Variants in SH3GL3 observed in about 807,000 individuals in gnomAD.
SH3GL3 encodes endophilin-A3.
In SH3GL3, 33 loss-of-function variants were observed where a neutral mutation model predicts 47.7. That is an observed-to-expected ratio of 0.69 (90% confidence interval 0.52 to 0.92). SH3GL3 has a LOEUF of 0.92. Among genes scored for constraint, SH3GL3 ranks in the 40% least tolerant of loss-of-function variants. The probability of loss-of-function intolerance (pLI) is 0.00; values close to 1 mark genes in which losing one functional copy is unlikely to be tolerated. For missense variants in SH3GL3, 363 were observed against 417.8 expected (o/e 0.87, Z 1.14); for synonymous variants, 155 against 148.8 (o/e 1.04, Z -0.30).
Position 83,585,279 on chromosome 15 carries a change from G to A in SH3GL3, c.625-1704G>A, listed in dbSNP as rs74510106. Among the ~76,000 whole-genome samples, 1,131 of 152,290 alleles carry A rather than the reference G, an allele frequency of 7.4e-3. 17 individuals carry two copies. Among genetic ancestry groups the A allele is most frequent in the Non-Finnish European group, 0.012 (790 of 68,018 alleles). On this transcript the variant is annotated intron_variant, in intron 6 of 8. Transcript: ENST00000427482. ...AGTCAGCCACCCAATGAGCAGTTACGAATGCATCTCTAGATTACATCACCT... is the reference window on the plus strand; with the variant it reads ...AGTCAGCCACCCAATGAGCAGTTACAAATGCATCTCTAGATTACATCACCT...
chr15:83,595,984 G>A (rs1192254613), intron 8 of SH3GL3, among the ~76,000 whole-genome samples: 1 of 151,806 alleles, frequency 6.6e-6, no homozygotes, highest in African/African-American at 2.4e-5. Context: ...GAGTCCTTTC[G>A]CCTTTTCCGA....
At chr15:83,544,666 G>A (rs2044319876) in intron 1 of SH3GL3, among the ~76,000 whole-genome samples, 1 of 152,078 alleles carries the variant, frequency 6.6e-6, no homozygotes, top group South Asian at 2.1e-4. Flanking sequence ...CCATTAGCAT[G>A]GTGAGTATTA....
intron 1 of SH3GL3, among the ~76,000 whole-genome samples, chr15:83,496,162 C>T (rs1217757148): frequency 6.6e-6 from 1 of 151,872 alleles, no homozygotes; most frequent in East Asian, 1.9e-4. Context: ...AGTTGGAGAC[C>T]AGCCTGGCCA....
intron 1 of SH3GL3, among the ~76,000 whole-genome samples, chr15:83,506,973 T>C (rs920810944): frequency 3.9e-5 from 6 of 152,062 alleles, no homozygotes; most frequent in Non-Finnish European, 8.8e-5. Context: ...AATTTCCTGA[T>C]TGGTTGTTAC....
chr15:83,491,747 C>G (rs2041882060), intron 1 of SH3GL3, among the ~76,000 whole-genome samples: 1 of 152,170 alleles, frequency 6.6e-6, no homozygotes, highest in South Asian at 2.1e-4. Flanking sequence ...CAGAGCCTGA[C>G]TTGTTCACTT....
chr15:83,568,069 G>A (rs2045640411), intron 3 of SH3GL3, among the ~76,000 whole-genome samples: 1 of 148,562 alleles, frequency 6.7e-6, no homozygotes, highest in Non-Finnish European at 1.5e-5. Context: ...TGCAACCTCC[G>A]CCTCCCGGGT....
chr15:83,502,992 T>C (rs1431116879), intron 1 of SH3GL3, among the ~76,000 whole-genome samples: 1 of 152,198 alleles, frequency 6.6e-6, no homozygotes, highest in Non-Finnish European at 1.5e-5. Flanking sequence ...TATTCATTAA[T>C]TGAGTGTTTG....
Position 83,540,578 on chromosome 15 carries a change from A to G in SH3GL3, c.46-18675A>G, listed in dbSNP as rs1174084657. On this transcript the variant is annotated intron_variant, in intron 1 of 8. Transcript: ENST00000427482. ...AAAGTCTATTTTGTAGGATATTAGT[A>G]TAGATTCTAAAGGTTTTTATTGTTG... 2.6e-5 allele frequency among the ~76,000 whole-genome samples: 4 copies of G among 152,122 alleles called. No homozygotes were observed. The East Asian group carries it at 5.8e-4, about 22-fold the overall frequency.
intron 1 of SH3GL3, among the ~76,000 whole-genome samples, chr15:83,483,395 T>A (rs531750882): frequency 3.9e-5 from 6 of 152,332 alleles, no homozygotes; most frequent in Non-Finnish European, 7.4e-5. Context: ...ATGTGGCTAG[T>A]GCAAGTGAGA....
intron 1 of SH3GL3, among the ~76,000 whole-genome samples, chr15:83,526,953 C>T (rs2043447620): frequency 6.6e-6 from 1 of 151,946 alleles, no homozygotes; most frequent in Non-Finnish European, 1.5e-5. Context: ...AAATGTATTC[C>T]TAGGTATTTC....
chr15:83,458,428 G>A (rs1368144354), intron 1 of SH3GL3, among the ~76,000 whole-genome samples: 3 of 152,246 alleles, frequency 2.0e-5, no homozygotes, highest in African/African-American at 7.2e-5. Flanking sequence ...AGTGGATAAT[G>A]GTGTCTTTTC....
intron 1 of SH3GL3, among the ~76,000 whole-genome samples, chr15:83,479,064 A>G (rs1178391269): frequency 2.0e-5 from 3 of 152,142 alleles, no homozygotes; most frequent in African/African-American, 7.2e-5. Context: ...CTACCCCTCC[A>G]TGATATCACA....
At chr15:83,456,489 A>T (rs1218569576) in intron 1 of SH3GL3, among the ~76,000 whole-genome samples, 1 of 71,404 alleles carries the variant, frequency 1.4e-5, no homozygotes, top group Non-Finnish European at 3.0e-5. Context: ...CCTCTGAGCC[A>T]GGTGTGGGAT....
intron 1 of SH3GL3, among the ~76,000 whole-genome samples, chr15:83,556,851 C>G (rs2044986458): frequency 6.6e-6 from 1 of 152,210 alleles, no homozygotes; most frequent in East Asian, 1.9e-4. Flanking sequence ...TGTTGCCGGT[C>G]AGCTGCCAGG....
chr15:83,501,556 TAC>T (rs2042294245), intron 1 of SH3GL3, among the ~76,000 whole-genome samples: 1 of 152,204 alleles, frequency 6.6e-6, no homozygotes, highest in East Asian at 1.9e-4. Context: ...AGATCTCAGT[TAC>T]TCGTCCTACA....
intron 1 of SH3GL3, among the ~76,000 whole-genome samples, chr15:83,506,658 T>A (rs2042517258): frequency 6.6e-6 from 1 of 152,256 alleles, no homozygotes; most frequent in African/African-American, 2.4e-5. Flanking sequence ...CACTTAGGAA[T>A]GTGGCATGTC....
intron 1 of SH3GL3, among the ~76,000 whole-genome samples, chr15:83,526,812 A>T (rs1277067901): frequency 6.6e-6 from 1 of 152,060 alleles, no homozygotes; most frequent in Non-Finnish European, 1.5e-5. Flanking sequence ...CCTGAACTTA[A>T]AAAAAACCAA....
intron 7 of SH3GL3, among the ~76,000 whole-genome samples, 172 bp downstream of exon 7, chr15:83,587,258 T>C (rs2059979841): frequency 6.6e-6 from 1 of 152,216 alleles, no homozygotes; most frequent in African/African-American, 2.4e-5. Flanking sequence ...AGATAATAAG[T>C]ACTGGCTTTG....
chr15:83,514,925 T>G (rs1043503836), intron 1 of SH3GL3, among the ~76,000 whole-genome samples: 12 of 151,916 alleles, frequency 7.9e-5, no homozygotes, highest in African/African-American at 2.9e-4. Context: ...GAGAAGGCAA[T>G]GCGAGGATGG....
Sources: allele counts gnomAD v4.1 joint callset (sites outside exome capture counted in the v4.1 genomes callset), GRCh38; gene constraint gnomAD v4.1.1; transcripts MANE v1.5; gene names NCBI Gene and HGNC (gene_info 2026-07-23, HGNC 2026-07-21).